The following NKAIN3 variants were observed in gnomAD, a reference collection of about 807,000 sequenced individuals.
NKAIN3 encodes sodium/potassium-transporting ATPase subunit beta-1-interacting protein 3.
Under a neutral mutation model 30.2 loss-of-function variants are expected in NKAIN3, and 25 were observed. The observed-to-expected ratio is 0.83, with a 90% CI of 0.60 to 1.16. NKAIN3 has a LOEUF of 1.16. Ranked by LOEUF, NKAIN3 falls within the 50% of genes most tolerant of loss-of-function variation. The pLI is 0.00. For synonymous variants in NKAIN3, 91 were observed against 89.6 expected, an observed-to-expected ratio of 1.02 and a Z score of -0.09; for missense variants, 225 against 254.1, an observed-to-expected ratio of 0.89 and a Z score of 0.78.
At chr8:62,471,731 G>T (rs887773910) in intron 1 of NKAIN3, among the ~76,000 whole-genome samples, 2 of 152,086 alleles carry the variant, frequency 1.3e-5, no homozygotes, top group African/African-American at 4.8e-5. Flanking sequence ...AAGGAGGGAG[G>T]ATCAAAGTTT....
intron 3 of NKAIN3, among the ~76,000 whole-genome samples, chr8:62,703,492 T>C (rs1814412231): frequency 6.6e-6 from 1 of 152,182 alleles, no homozygotes; most frequent in Non-Finnish European, 1.5e-5. Context: ...ATTTAACCAA[T>C]TTTATTCCAA....
Position 62,859,461 on chromosome 8 carries a change from T to C in NKAIN3, c.472-58992T>C, listed in dbSNP as rs116315475. Reference sequence around the variant, plus strand: ...CTGGGCTCCTGCACCAGCCATCCTATCTATTCTTAGTAACCCAGATAACTT... The same window carrying C: ...CTGGGCTCCTGCACCAGCCATCCTACCTATTCTTAGTAACCCAGATAACTT... On this transcript the variant is annotated intron_variant, in intron 4 of 6. Transcript: ENST00000623646. 2.3e-3 allele frequency among the ~76,000 whole-genome samples: 305 copies of C among 134,270 alleles called. 2 individuals carry two copies. Among genetic ancestry groups the C allele is most frequent in the African/African-American group, 7.8e-3 (280 of 36,092 alleles). 88.1% of individuals were successfully genotyped at this position (134,270 alleles called of 152,430 possible).
At chr8:62,506,172 C>G (rs1313251288) in intron 1 of NKAIN3, among the ~76,000 whole-genome samples, 1 of 145,326 alleles carries the variant, frequency 6.9e-6, no homozygotes, top group Admixed American at 7.1e-5. Flanking sequence ...ATCACATCTG[C>G]AAAGTCTTTT....
chr8:62,912,004 A>G (rs1263299523), intron 4 of NKAIN3, among the ~76,000 whole-genome samples: 5 of 152,162 alleles, frequency 3.3e-5, no homozygotes, highest in African/African-American at 1.2e-4. Context: ...ACATTCTGAG[A>G]AATGCGGCCT....
At chr8:62,856,868 T>C (rs1270705300) in intron 4 of NKAIN3, 1 of 592,094 alleles carries the variant, frequency 1.7e-6, no homozygotes, top group African/African-American at 1.9e-5. Flanking sequence ...ATGATCTTAC[T>C]GATGTACACA....
At chr8:62,390,354 T>A (rs1027199259) in intron 1 of NKAIN3, among the ~76,000 whole-genome samples, 1 of 152,196 alleles carries the variant, frequency 6.6e-6, no homozygotes, top group Non-Finnish European at 1.5e-5. Flanking sequence ...GCTCCAACCA[T>A]GTTCCTGCAA....
intron 4 of NKAIN3, among the ~76,000 whole-genome samples, chr8:62,880,119 C>T (rs750706282): frequency 2.0e-5 from 3 of 152,102 alleles, no homozygotes; most frequent in Non-Finnish European, 4.4e-5. Context: ...TTCATTTAAA[C>T]ATAAATTTTG....
At chr8:62,300,863 T>G (rs544385386) in intron 1 of NKAIN3, among the ~76,000 whole-genome samples, 6 of 152,234 alleles carry the variant, frequency 3.9e-5, no homozygotes, top group African/African-American at 1.4e-4. Flanking sequence ...GCCTTTCTTT[T>G]CTCCTTAGCC....
At chr8:62,501,313 C>T (rs1159997009) in intron 1 of NKAIN3, among the ~76,000 whole-genome samples, 1 of 152,274 alleles carries the variant, frequency 6.6e-6, no homozygotes, top group Middle Eastern at 3.4e-3. Flanking sequence ...ATTAAATCCT[C>T]TAAGGTCTGT....
intron 4 of NKAIN3, among the ~76,000 whole-genome samples, chr8:62,861,134 G>A (rs190922456): frequency 1.3e-5 from 2 of 152,224 alleles, no homozygotes; most frequent in Non-Finnish European, 1.5e-5. Context: ...TAGTTACTGC[G>A]GAGGGTTCTC....
chr8:62,858,451 G>A (rs1237086839), intron 4 of NKAIN3, among the ~76,000 whole-genome samples: 2 of 152,176 alleles, frequency 1.3e-5, no homozygotes, highest in Non-Finnish European at 2.9e-5. Context: ...AAGCTGGACT[G>A]GCTAAGATGC....
At chr8:62,844,493 A>C (rs927763322) in intron 4 of NKAIN3, among the ~76,000 whole-genome samples, 5 of 152,186 alleles carry the variant, frequency 3.3e-5, no homozygotes, top group Non-Finnish European at 7.3e-5. Context: ...CACTTACAAC[A>C]AAATGTGAAG....
chr8:62,986,800 C>G (rs1427636691), downstream of NKAIN3, among the ~76,000 whole-genome samples: 1 of 152,124 alleles, frequency 6.6e-6, no homozygotes, highest in South Asian at 2.1e-4. Context: ...GAAATCTGAG[C>G]CGTGTTTTAT....
chr8:62,425,557 G>T (rs893080155), intron 1 of NKAIN3, among the ~76,000 whole-genome samples: 4 of 151,828 alleles, frequency 2.6e-5, no homozygotes, highest in African/African-American at 9.7e-5. Flanking sequence ...TTAAATAAGG[G>T]TCTTGTGGAA....
chr8:62,531,934 G>A (rs1287268289), intron 1 of NKAIN3, among the ~76,000 whole-genome samples: 1 of 152,142 alleles, frequency 6.6e-6, no homozygotes, highest in Non-Finnish European at 1.5e-5. Flanking sequence ...AAGTGTCATC[G>A]TGACTGCCCA....
At chr8:62,807,464 T>G (rs188525406) in intron 4 of NKAIN3, among the ~76,000 whole-genome samples, 47 of 152,196 alleles carry the variant, frequency 3.1e-4, no homozygotes, top group African/African-American at 1.1e-3. Context: ...TTTGTGGGAC[T>G]GATCAACTTT....
chr8:62,599,782 C>T (rs773592211), intron 3 of NKAIN3, among the ~76,000 whole-genome samples: 2 of 151,986 alleles, frequency 1.3e-5, no homozygotes, highest in Non-Finnish European at 2.9e-5. Flanking sequence ...TTTTGACATA[C>T]ATCTGCAGCC....
intron 3 of NKAIN3, among the ~76,000 whole-genome samples, chr8:62,736,221 TG>T (rs1285265411): frequency 6.6e-6 from 1 of 152,150 alleles, no homozygotes; most frequent in Non-Finnish European, 1.5e-5. Context: ...TCTCAGGTAG[TG>T]GGCAGGATCA....
In NKAIN3 at chr8:62,657,719, C is replaced by T. The variant is rs77308515; in HGVS notation, c.273+67925C>T. 6.8e-3 allele frequency among the ~76,000 whole-genome samples: 1,043 copies of T among 152,280 alleles called. 10 individuals carry two copies. Among genetic ancestry groups the T allele is most frequent in the Non-Finnish European group, 0.01 (702 of 68,032 alleles). On this transcript the variant is annotated intron_variant, in intron 3 of 6. Transcript: ENST00000623646. ...TGATCGATGGTGCCAACTATTGGTG[C>T]ATTCTGAAAAACATGCCATGGAGAA... is the stretch of plus-strand genomic sequence containing the variant.
Sources: allele counts gnomAD v4.1 joint callset (sites outside exome capture counted in the v4.1 genomes callset), GRCh38; gene constraint gnomAD v4.1.1; transcripts MANE v1.5; gene names NCBI Gene and HGNC (gene_info 2026-07-23, HGNC 2026-07-21).